GALNT1: variants seen among roughly 807,000 people sequenced by gnomAD.
The protein encoded by GALNT1 is GalNAc transferase 1.
A neutral mutation model predicts 65.7 loss-of-function variants in GALNT1; 17 were observed. The ratio of observed to expected loss-of-function variants is 0.26; its 90% CI spans 0.18 to 0.39. The LOEUF (loss-of-function observed/expected upper bound fraction) is 0.39. Ranked by LOEUF, GALNT1 falls within the 10% of genes least tolerant of loss-of-function variation. GALNT1 has a pLI of 1.00. For missense variants in GALNT1, 460 were observed against 672.8 expected, an observed-to-expected ratio of 0.68 and a Z score of 3.50; for synonymous variants, 210 against 219.7, an observed-to-expected ratio of 0.96 and a Z score of 0.39.
intron 4 of GALNT1, among the ~76,000 whole-genome samples, chr18:35,680,173 A>G (rs908594347): frequency 1.3e-5 from 2 of 151,974 alleles, no homozygotes; most frequent in Admixed American, 6.6e-5. Flanking sequence ...CCTTCTTCCT[A>G]TCTCAGGGCC....
chr18:35,602,992 G>T (rs570301334), intron 1 of GALNT1, among the ~76,000 whole-genome samples: 1 of 152,192 alleles, frequency 6.6e-6, no homozygotes, highest in Admixed American at 6.5e-5. Flanking sequence ...TCTAGAGTAT[G>T]TTTGCTTAGA....
At chr18:35,588,946 T>C (rs771935108) in intron 1 of GALNT1, among the ~76,000 whole-genome samples, 17 of 152,234 alleles carry the variant, frequency 1.1e-4, no homozygotes, top group Non-Finnish European at 1.8e-4. Context: ...TCATCCTGGC[T>C]CTTGGTATGA....
intron 1 of GALNT1, among the ~76,000 whole-genome samples, chr18:35,612,882 G>T (rs112076723): frequency 6.6e-6 from 1 of 151,482 alleles, no homozygotes; most frequent in African/African-American, 2.4e-5. Flanking sequence ...AAAAAAATCC[G>T]TAGGCAGCTC....
intron 1 of GALNT1, among the ~76,000 whole-genome samples, chr18:35,594,046 T>G (rs909489994): frequency 5.6e-5 from 8 of 142,844 alleles, no homozygotes; most frequent in African/African-American, 2.1e-4. Context: ...TGCAATGTCC[T>G]GATTTTGGCA....
At chr18:35,596,655 C>G (rs2046508824) in intron 1 of GALNT1, 1 of 152,124 alleles carries the variant, frequency 6.6e-6, no homozygotes, top group South Asian at 2.1e-4. Context: ...TTTCACCGGG[C>G]AGAAATTTCA....
chr18:35,700,493 C>G (rs2048142984), intron 9 of GALNT1, among the ~76,000 whole-genome samples: 2 of 152,304 alleles, frequency 1.3e-5, no homozygotes, highest in African/African-American at 2.4e-5. Flanking sequence ...ACTCCTCACT[C>G]TAACAGCTAA....
At chr18:35,668,821 TA>T (rs1262188029) in intron 3 of GALNT1, among the ~76,000 whole-genome samples, 1 of 152,210 alleles carries the variant, frequency 6.6e-6, no homozygotes, top group Non-Finnish European at 1.5e-5. Context: ...GTGAATATTA[TA>T]AAATCCCAAT....
intron 1 of GALNT1, among the ~76,000 whole-genome samples, chr18:35,584,241 CTTAT>C (rs1598777235): frequency 6.6e-6 from 1 of 152,286 alleles, no homozygotes; most frequent in East Asian, 1.9e-4. Context: ...TCTGCTTTTA[CTTAT>C]TTATTTATGT....
At chr18:35,650,663 T>G (rs1388129312) in intron 1 of GALNT1, among the ~76,000 whole-genome samples, 3 of 152,158 alleles carry the variant, frequency 2.0e-5, no homozygotes, top group Non-Finnish European at 2.9e-5. Flanking sequence ...GAGAAAGAAT[T>G]CAGCAATATT....
intron 9 of GALNT1, 70 bp from the exon 10 acceptor site, chr18:35,702,827 A>ATG: frequency 1.0e-6 from 1 of 992,702 alleles, no homozygotes; most frequent in South Asian, 1.6e-5. Flanking sequence ...TTTAGTGTAT[A>ATG]TGTGTGTGTA....
At chr18:35,704,713 C>T (rs962119530) in intron 11 of GALNT1, among the ~76,000 whole-genome samples, 6 of 152,014 alleles carry the variant, frequency 3.9e-5, no homozygotes, top group African/African-American at 9.6e-5. Flanking sequence ...GGTGCAATCT[C>T]GGCTCATGCA....
At chr18:35,679,744 T>C (rs766803958) in intron 4 of GALNT1, among the ~76,000 whole-genome samples, 2 of 152,224 alleles carry the variant, frequency 1.3e-5, no homozygotes, top group Non-Finnish European at 2.9e-5. Flanking sequence ...AGTCTTGCTT[T>C]CCAGGTTGAG....
chr18:35,584,867 G>A (rs754336685), intron 1 of GALNT1, among the ~76,000 whole-genome samples: 6 of 152,212 alleles, frequency 3.9e-5, no homozygotes, highest in Non-Finnish European at 8.8e-5. Flanking sequence ...ACCTCCTGCT[G>A]TGTGGCCAGG....
chr18:35,624,051 C>A (rs948211421), intron 1 of GALNT1, among the ~76,000 whole-genome samples: 24 of 152,172 alleles, frequency 1.6e-4, no homozygotes, highest in African/African-American at 5.8e-4. Flanking sequence ...GATTTAAACT[C>A]CAAATTCTGC....
rs1423593476 is a variant in GALNT1, at chr18:35,711,672, A to G, written c.*1902A>G. Reference sequence around the variant, plus strand: ...ATAGCTTGGTCTTATTTCTTACTGTATGAAAGCTTAACAGCAATGTGATTT... The same window carrying G: ...ATAGCTTGGTCTTATTTCTTACTGTGTGAAAGCTTAACAGCAATGTGATTT... On this transcript the variant is annotated 3_prime_UTR_variant, in exon 12 of 12. Transcript: ENST00000269195. The G allele has an allele frequency of 1.3e-5, 2 of 152,204 alleles. No individual in the cohort carries two copies. The highest frequency in any genetic ancestry group is 1.3e-4 in the Admixed American group (2 of 15,280). 9.4% of individuals were successfully genotyped at this position (152,204 alleles called of 1,614,324 possible).
In GALNT1 at chr18:35,710,824, A is replaced by G. The variant is rs1207782302; in HGVS notation, c.*1054A>G. 1 of 152,652 alleles carries G rather than the reference A, an allele frequency of 6.6e-6. No individual in the cohort carries two copies. Among genetic ancestry groups the G allele is most frequent in the Non-Finnish European group, 1.5e-5 (1 of 68,040 alleles). The allele number at this position is 152,652 out of a possible 1,614,324, so 9.5% of individuals were successfully genotyped here. On this transcript the variant is annotated 3_prime_UTR_variant, in exon 12 of 12. Transcript: ENST00000269195. ...TTCCACTTAACAAAAGGCCTGCAGAAGTGATTTATTATTTGGGTATTTGGA... is the reference window on the plus strand; with the variant it reads ...TTCCACTTAACAAAAGGCCTGCAGAGGTGATTTATTATTTGGGTATTTGGA...
chr18:35,708,051 T>G (rs72891614), intron 11 of GALNT1, among the ~76,000 whole-genome samples: 9,384 of 152,288 alleles, frequency 0.062, 319 homozygotes, highest in South Asian at 0.077. Flanking sequence ...ATGTACATTA[T>G]CTCAGTGTTT....
At chr18:35,605,949 C>T (rs529774132) in intron 1 of GALNT1, among the ~76,000 whole-genome samples, 4 of 152,150 alleles carry the variant, frequency 2.6e-5, no homozygotes, top group South Asian at 4.1e-4. Flanking sequence ...GCAGTTCTGG[C>T]GAAACAATTA....
At chr18:35,616,360 T>C (rs2046783535) in intron 1 of GALNT1, among the ~76,000 whole-genome samples, 1 of 152,288 alleles carries the variant, frequency 6.6e-6, no homozygotes, top group South Asian at 2.1e-4. Context: ...TAATAGTACC[T>C]GGCTTACTGG....
Sources: gnomAD v4.1 joint callset for allele counts (sites outside exome capture counted in the v4.1 genomes callset) on GRCh38, gnomAD v4.1.1 for gene constraint, MANE v1.5 for transcripts, NCBI Gene and HGNC (gene_info 2026-07-23, HGNC 2026-07-21) for gene names.